Variants in POU3F1 observed in about 807,000 individuals in gnomAD.
The protein encoded by POU3F1 is POU domain, class 3, transcription factor 1.
In POU3F1, 1 loss-of-function variant was observed where a neutral mutation model predicts 7.6. The ratio of observed to expected loss-of-function variants is 0.13; its 90% CI spans 0.05 to 0.62. The LOEUF (loss-of-function observed/expected upper bound fraction) is 0.62. Ranked by LOEUF, POU3F1 falls within the 20% of genes least tolerant of loss-of-function variation. The pLI is 0.87. For missense variants in POU3F1, 505 were observed against 679.3 expected (o/e 0.74, Z 2.85); for synonymous variants, 354 against 339.0 (o/e 1.04, Z -0.49).
Position 38,046,428 on chromosome 1 carries a change from CGT to C in POU3F1, c.314_315del (p.Asp105GlyfsTer181). On this transcript the variant is annotated frameshift_variant, in exon 1 of 1. Transcript: ENST00000373012. LOFTEE classifies it low-confidence loss of function (END_TRUNC). The surrounding 1 kb of genome is among the most constrained non-coding windows in gnomAD (Gnocchi z 9.5). Reference protein sequence around the residue: ...AGGGGTGRADDGGGGGGFHAR... With the variant: ...AGGGGTGRADXGGGGGGFHAR... ...GCGTGGAAACCTCCGCCGCCGCCGC[CGT>C]CGTCGGCTCGGCCGGTGCCGCCGCC... The C allele has an allele frequency of 7.7e-7, 1 of 1,297,320 alleles. No homozygotes were observed. Among genetic ancestry groups the C allele is most frequent in the Non-Finnish European group, 9.8e-7 (1 of 1,024,218 alleles). 80.4% of individuals were successfully genotyped at this position (1,297,320 alleles called of 1,614,324 possible). A position where few individuals can be genotyped will look rare whatever the true frequency, so the allele number is the denominator to read the frequency against.
In POU3F1 at chr1:38,045,461, G is replaced by A. The variant is rs1324539337; in HGVS notation, c.1283C>T (p.Ser428Phe). 2.7e-6 allele frequency: 4 copies of A among 1,456,286 alleles called. No homozygotes were observed. The highest frequency in any genetic ancestry group is 1.8e-6 in the Non-Finnish European group (2 of 1,112,274). The allele number at this position is 1,456,286 out of a possible 1,614,324, so 90.2% of individuals were successfully genotyped here. A position where few individuals can be genotyped will look rare whatever the true frequency, so the allele number is the denominator to read the frequency against. ...GPGGGGASPPSAPPPPPPAAL... is the reference protein window; with the variant it reads ...GPGGGGASPPFAPPPPPPAAL... ...CGCCGGCGGGGGCGGTGGGGGCGCG[G>A]AGGGTGGCGATGCGCCGCCCCCGCC... The change falls in exon 1 of 1, where the codon TCC becomes TTC. Residue 428 changes from serine to phenylalanine, a missense_variant. By Grantham distance (155) the Ser-to-Phe change is radical. Around this residue, in one of 5 missense-constraint regions of POU3F1, gnomAD observed 72 missense variants for 93.7 expected, o/e 0.77. Transcript: ENST00000373012. This position sits in a 1 kb window ranked among gnomAD's most constrained non-coding sequence, Gnocchi z 9.4.
rs1292698490 is a variant in POU3F1, at chr1:38,044,978, C to G, written c.*410G>C. Reference sequence around the variant, plus strand: ...CCACGCGGGGAGAGGGGATGGAGAACTCTCCTCGCTTCGTCCTCTCTCCCG... The same window carrying G: ...CCACGCGGGGAGAGGGGATGGAGAAGTCTCCTCGCTTCGTCCTCTCTCCCG... On this transcript the variant is annotated 3_prime_UTR_variant, in exon 1 of 1. Coordinates refer to ENST00000373012, the MANE Select transcript of POU3F1 (RefSeq NM_002699.4). 6.6e-6 allele frequency: 1 copy of G among 152,272 alleles called. No homozygotes were observed. Among genetic ancestry groups the G allele is most frequent in the Non-Finnish European group, 1.5e-5 (1 of 68,060 alleles). 9.4% of individuals were successfully genotyped at this position (152,272 alleles called of 1,614,324 possible). A position where few individuals can be genotyped will look rare whatever the true frequency, so the allele number is the denominator to read the frequency against.
chr1:38,046,362 A>C lies in POU3F1; in HGVS notation c.382T>G (p.Trp128Gly), dbSNP rs1356274391. 1 of 1,212,198 alleles carries C rather than the reference A, an allele frequency of 8.2e-7. No individual in the cohort carries two copies. The highest frequency in any genetic ancestry group is 1.0e-6 in the Non-Finnish European group (1 of 980,664). 75.1% of individuals were successfully genotyped at this position (1,212,198 alleles called of 1,614,324 possible). The stretch of plus-strand genomic sequence containing the variant: ...TGGTGCGCTGTGCTGCCCTGCGCCC[A>C]TGCCGCGCCCGCGTGGGCCGCCCCC... ...HQGAAHAGAA[W>G]AQGSTAHHLG... is the part of the protein sequence containing the mutation. The change falls in exon 1 of 1, where the codon TGG (tryptophan) becomes GGG (glycine). Residue 128 changes from tryptophan to glycine, a missense_variant. Trp to Gly is a radical substitution (Grantham distance 184, BLOSUM62 -2). Coordinates refer to ENST00000373012, the MANE Select transcript of POU3F1 (RefSeq NM_002699.4). The surrounding 1 kb of genome is among the most constrained non-coding windows in gnomAD (Gnocchi z 9.5).
In POU3F1 at chr1:38,046,232, C is replaced by T; in HGVS notation, c.512G>A (p.Gly171Asp). Reference sequence around the variant, plus strand: ...GCCCGCCGCCAGCATCCCGGCCAGGCCGCCGCCGCCGCCCCCCGGGTAGGC... The same window carrying T: ...GCCCGCCGCCAGCATCCCGGCCAGGTCGCCGCCGCCGCCCCCCGGGTAGGC... ...QAAYPGGGGG[G>D]LAGMLAAGGG... Residue 171 changes from glycine (G) to aspartate (D), a missense_variant, in exon 1 of 1, where the codon GGC (glycine) becomes GAC (aspartate). Physicochemically the swap from Gly to Asp is moderately conservative, Grantham distance 94 (BLOSUM62 -1). Transcript: ENST00000373012. The surrounding 1 kb of genome is among the most constrained non-coding windows in gnomAD (Gnocchi z 9.5). The T allele has an allele frequency of 9.5e-7, 1 of 1,054,936 alleles. No individual in the cohort carries two copies. The highest frequency in any genetic ancestry group is 1.1e-6 in the Non-Finnish European group (1 of 879,832). The allele number at this position is 1,054,936 out of a possible 1,614,324, so 65.3% of individuals were successfully genotyped here.
rs1229493726 is a variant in POU3F1 at position 38,045,425 on chromosome 1, T to C, written c.1319A>G (p.His440Arg). The C allele has an allele frequency of 2.1e-6, 3 of 1,435,032 alleles. No homozygotes were observed. The highest frequency in any genetic ancestry group is 3.0e-5 in the African/African-American group (2 of 67,708). The allele number at this position is 1,435,032 out of a possible 1,614,324, so 88.9% of individuals were successfully genotyped here. A position where few individuals can be genotyped will look rare whatever the true frequency, so the allele number is the denominator to read the frequency against. The change falls in exon 1 of 1, where the codon CAC becomes CGC. Residue 440 changes from histidine (H) to arginine (R), a missense_variant. His to Arg is a conservative substitution (Grantham distance 29, BLOSUM62 0). Transcript: ENST00000373012. The surrounding 1 kb of genome is among the most constrained non-coding windows in gnomAD (Gnocchi z 9.4). ...PPPPPPAALH[H>R]HHHHTLPGSV... is the part of the protein sequence containing the mutation. ...GCCGGGCAGTGTGTGGTGGTGGTGG[T>C]GGTGCAGCGCCGCCGGCGGGGGCGG...
At position 38,046,400 on chromosome 1, in the gene POU3F1, C is replaced by G. The variant is rs1164726087; in HGVS notation, c.344G>C (p.Arg115Pro). Residue 115 changes from arginine to proline, a missense_variant, in exon 1 of 1, where the codon CGC becomes CCC. Physicochemically the swap from Arg to Pro is moderately radical, Grantham distance 103 (BLOSUM62 -2). This residue lies in a region of POU3F1 where 361 missense variants were observed against 382.1 expected (regional missense o/e 0.94). Coordinates refer to ENST00000373012, the MANE Select transcript of POU3F1 (RefSeq NM_002699.4). The surrounding 1 kb of genome is among the most constrained non-coding windows in gnomAD (Gnocchi z 9.5). The part of the protein sequence containing the change: ...DGGGGGGFHA[R>P]LVHQGAAHAG... ...GTGGGCCGCCCCCTGGTGCACCAGG[C>G]GCGCGTGGAAACCTCCGCCGCCGCC... 8.0e-7 allele frequency: 1 copy of G among 1,253,264 alleles called. No individual in the cohort carries two copies. 77.6% of individuals were successfully genotyped at this position (1,253,264 alleles called of 1,614,324 possible).
In POU3F1 at chr1:38,045,336, G is replaced by T; in HGVS notation, c.*52C>A. 1.3e-6 allele frequency: 1 copy of T among 767,532 alleles called. No individual in the cohort carries two copies. Among genetic ancestry groups the T allele is most frequent in the African/African-American group, 1.9e-5 (1 of 53,144 alleles). The allele number at this position is 767,532 out of a possible 1,614,324, so 47.5% of individuals were successfully genotyped here. A position where few individuals can be genotyped will look rare whatever the true frequency, so the allele number is the denominator to read the frequency against. ...CAAAAAGAGTCCAGGCCGCGCGGGC[G>T]GGCTGCGCGCCCGCGCCCTGCAGCG... On this transcript the variant is annotated 3_prime_UTR_variant, in exon 1 of 1. Coordinates refer to ENST00000373012, the MANE Select transcript of POU3F1 (RefSeq NM_002699.4). The surrounding 1 kb of genome is among the most constrained non-coding windows in gnomAD (Gnocchi z 9.4).
rs1646865828 is a variant in POU3F1, at chr1:38,046,756, C to T, written c.-13G>A. On this transcript the variant is annotated 5_prime_UTR_variant, in exon 1 of 1. Coordinates refer to ENST00000373012, the MANE Select transcript of POU3F1 (RefSeq NM_002699.4). This position sits in a 1 kb window ranked among gnomAD's most constrained non-coding sequence, Gnocchi z 9.5. ...CGGTGGTGGCCATGCCGCCCCGCGC[C>T]CTGCGCCGCGCCGCCGCCGCCGCTC... 5 of 990,230 alleles carry T rather than the reference C, an allele frequency of 5.0e-6. No individual in the cohort carries two copies. Among genetic ancestry groups the T allele is most frequent in the Non-Finnish European group, 4.8e-6 (4 of 835,002 alleles). The allele number at this position is 990,230 out of a possible 1,614,324, so 61.3% of individuals were successfully genotyped here.
Position 38,046,658 on chromosome 1 carries a change from G to A in POU3F1, c.86C>T (p.Ala29Val). Residue 29 changes from alanine (A) to valine (V), a missense_variant, in exon 1 of 1, where the codon GCG becomes GTG. Physicochemically the swap from Ala to Val is moderately conservative, Grantham distance 64 (BLOSUM62 0). Transcript: ENST00000373012. This position sits in a 1 kb window ranked among gnomAD's most constrained non-coding sequence, Gnocchi z 9.5. ...TGPLMHPDAAAAAAAAAAAER... is the reference protein window; with the variant it reads ...TGPLMHPDAAVAAAAAAAAER... Reference sequence around the variant, plus strand: ...CGCGGCCGCCGCCGCCGCCGCCGCCGCCGCGGCGTCCGGGTGCATAAGCGG... The same window carrying A: ...CGCGGCCGCCGCCGCCGCCGCCGCCACCGCGGCGTCCGGGTGCATAAGCGG... 2.3e-6 allele frequency: 3 copies of A among 1,294,516 alleles called. No homozygotes were observed. Among genetic ancestry groups the A allele is most frequent in the Non-Finnish European group, 2.9e-6 (3 of 1,019,714 alleles). The allele number at this position is 1,294,516 out of a possible 1,614,324, so 80.2% of individuals were successfully genotyped here. A position where few individuals can be genotyped will look rare whatever the true frequency, so the allele number is the denominator to read the frequency against.
rs1352040906 is a variant in POU3F1, at chr1:38,045,353, C to T, written c.*35G>A. On this transcript the variant is annotated 3_prime_UTR_variant, in exon 1 of 1. Transcript: ENST00000373012. This position sits in a 1 kb window ranked among gnomAD's most constrained non-coding sequence, Gnocchi z 9.4. The stretch of plus-strand genomic sequence containing the variant: ...GCGCGGGCGGGCTGCGCGCCCGCGC[C>T]CTGCAGCGCGCCGGCGGGGGCCCGG... 5.7e-6 allele frequency: 6 copies of T among 1,051,748 alleles called. No homozygotes were observed. Among genetic ancestry groups the T allele is most frequent in the Non-Finnish European group, 7.1e-6 (6 of 848,008 alleles). 65.2% of individuals were successfully genotyped at this position (1,051,748 alleles called of 1,614,324 possible).
chr1:38,045,512 A>G lies in POU3F1; in HGVS notation c.1232T>C (p.Val411Ala). ...AGAGHPPMDD[V>A]YAPGELGPGG... is the part of the protein sequence containing the mutation. ...AGGCCCTAGCTCCCCAGGCGCGTAT[A>G]CATCGTCCATGGGCGGGTGGCCCGC... The change falls in exon 1 of 1, where the codon GTA (valine) becomes GCA (alanine). Residue 411 changes from valine (V) to alanine (A), a missense_variant. Physicochemically the swap from Val to Ala is moderately conservative, Grantham distance 64. This residue lies in a region of POU3F1 where 72 missense variants were observed against 93.7 expected (regional missense o/e 0.77). Transcript: ENST00000373012. This position sits in a 1 kb window ranked among gnomAD's most constrained non-coding sequence, Gnocchi z 9.4. The G allele has an allele frequency of 6.3e-7, 1 of 1,583,298 alleles. No homozygotes were observed. The highest frequency in any genetic ancestry group is 8.6e-7 in the Non-Finnish European group (1 of 1,165,746).
In POU3F1 at chr1:38,045,318, A is replaced by T; in HGVS notation, c.*70T>A. 11 of 458,716 alleles carry T rather than the reference A, an allele frequency of 2.4e-5. No individual in the cohort carries two copies. Among genetic ancestry groups the T allele is most frequent in the Non-Finnish European group, 3.0e-5 (10 of 334,834 alleles). 28.4% of individuals were successfully genotyped at this position (458,716 alleles called of 1,614,324 possible). A position where few individuals can be genotyped will look rare whatever the true frequency, so the allele number is the denominator to read the frequency against. ...AAATCCAAAGCAACCGAACAAAAAG[A>T]GTCCAGGCCGCGCGGGCGGGCTGCG... On this transcript the variant is annotated 3_prime_UTR_variant, in exon 1 of 1. Transcript: ENST00000373012. The surrounding 1 kb of genome is among the most constrained non-coding windows in gnomAD (Gnocchi z 9.4).
chr1:38,045,516 C>T lies in POU3F1; in HGVS notation c.1228G>A (p.Asp410Asn). ...CCTAGCTCCCCAGGCGCGTATACAT[C>T]GTCCATGGGCGGGTGGCCCGCGCCG... ...AAGAGHPPMD[D>N]VYAPGELGPG... Residue 410 changes from aspartate to asparagine, a missense_variant, in exon 1 of 1, where the codon GAT becomes AAT. Asp to Asn is a conservative substitution (Grantham distance 23). This residue lies in a region of POU3F1 where 72 missense variants were observed against 93.7 expected (regional missense o/e 0.77). Coordinates refer to ENST00000373012, the MANE Select transcript of POU3F1 (RefSeq NM_002699.4). This position sits in a 1 kb window ranked among gnomAD's most constrained non-coding sequence, Gnocchi z 9.4. 1.3e-6 allele frequency: 2 copies of T among 1,586,012 alleles called. No individual in the cohort carries two copies. Among genetic ancestry groups the T allele is most frequent in the Non-Finnish European group, 1.7e-6 (2 of 1,166,900 alleles).
At position 38,045,498 on chromosome 1, in the gene POU3F1, C is replaced by A. The variant is rs1444971191; in HGVS notation, c.1246G>T (p.Glu416Ter). 1 of 1,559,928 alleles carries A rather than the reference C, an allele frequency of 6.4e-7. No homozygotes were observed. The highest frequency in any genetic ancestry group is 8.7e-7 in the Non-Finnish European group (1 of 1,154,752). Residue 416 changes from glutamate to a stop codon, truncating the protein, a stop_gained, in exon 1 of 1, where the codon GAG becomes TAG. Transcript: ENST00000373012. LOFTEE classifies it high-confidence loss of function. This position sits in a 1 kb window ranked among gnomAD's most constrained non-coding sequence, Gnocchi z 9.4. The part of the protein sequence containing the change: ...PPMDDVYAPG[E>*]LGPGGGGASP... ...GCGCCGCCCCCGCCAGGCCCTAGCTCCCCAGGCGCGTATACATCGTCCATG... is the reference window on the plus strand; with the variant it reads ...GCGCCGCCCCCGCCAGGCCCTAGCTACCCAGGCGCGTATACATCGTCCATG...
In POU3F1 at chr1:38,046,497, C is replaced by T. The variant is rs1570515686; in HGVS notation, c.247G>A (p.Asp83Asn). 7.3e-7 allele frequency: 1 copy of T among 1,377,938 alleles called. No individual in the cohort carries two copies. The highest frequency in any genetic ancestry group is 1.5e-5 in the African/African-American group (1 of 65,638). 85.4% of individuals were successfully genotyped at this position (1,377,938 alleles called of 1,614,324 possible). Residue 83 changes from aspartate (D) to asparagine (N), a missense_variant, in exon 1 of 1, where the codon GAT becomes AAT. Coordinates refer to ENST00000373012, the MANE Select transcript of POU3F1 (RefSeq NM_002699.4). This position sits in a 1 kb window ranked among gnomAD's most constrained non-coding sequence, Gnocchi z 9.5. Reference sequence around the variant, plus strand: ...TCTAGGTGCGGGCCGCCGGCCCAATCGCCGCCGCCGCCTCCTCCCGTGGGT... The same window carrying T: ...TCTAGGTGCGGGCCGCCGGCCCAATTGCCGCCGCCGCCTCCTCCCGTGGGT... ...WLPTGGGGGG[D>N]WAGGPHLEHG...
In POU3F1 at chr1:38,046,631, TCCGCGGCCG is replaced by T; in HGVS notation, c.104_112del (p.Ala35_Ala37del). On this transcript the variant is annotated inframe_deletion, in exon 1 of 1. Transcript: ENST00000373012. This position sits in a 1 kb window ranked among gnomAD's most constrained non-coding sequence, Gnocchi z 9.5. ...GTACGCGGCCCCTGCATGCAATCGC[TCCGCGGCCG>T]CCGCCGCCGCCGCCGCCGCCGCGGC... is the stretch of plus-strand genomic sequence containing the variant. The T allele has an allele frequency of 1.5e-6, 2 of 1,327,158 alleles. No individual in the cohort carries two copies. Among genetic ancestry groups the T allele is most frequent in the Non-Finnish European group, 1.9e-6 (2 of 1,035,110 alleles). 82.2% of individuals were successfully genotyped at this position (1,327,158 alleles called of 1,614,324 possible). A position where few individuals can be genotyped will look rare whatever the true frequency, so the allele number is the denominator to read the frequency against.
Position 38,043,906 on chromosome 1 carries a change from T to A in POU3F1, c.*1482A>T, listed in dbSNP as rs376798290. 3.0e-4 allele frequency among the ~76,000 whole-genome samples: 45 copies of A among 152,244 alleles called. No individual in the cohort carries two copies. Among genetic ancestry groups the A allele is most frequent in the East Asian group, 2.5e-3 (13 of 5,182 alleles). The stretch of plus-strand genomic sequence containing the variant: ...AGGGAACTTCCCAGTCTACATTATT[T>A]TTTTTTCAATAAAGATACAAAGAGA... On this transcript the variant is annotated 3_prime_UTR_variant, in exon 1 of 1. Transcript: ENST00000373012. This position sits in a 1 kb window ranked among gnomAD's most constrained non-coding sequence, Gnocchi z 4.5.
In POU3F1 at chr1:38,046,135, C is replaced by A; in HGVS notation, c.609G>T (p.Ser203=). 2 of 1,407,984 alleles carry A rather than the reference C, an allele frequency of 1.4e-6. No individual in the cohort carries two copies. The highest frequency in any genetic ancestry group is 1.8e-6 in the Non-Finnish European group (2 of 1,081,882). The allele number at this position is 1,407,984 out of a possible 1,614,324, so 87.2% of individuals were successfully genotyped here. The stretch of plus-strand genomic sequence containing the variant: ...CGTGGGCGCCCAGATGCGGCGGCGG[C>A]GACGGCTCCAGCTGCGCCTCGTGGC... ...EDGHEAQLEP[S]PPPHLGAHGH... Residue 203 remains serine (S), a synonymous_variant, in exon 1 of 1, where the codon TCG becomes TCT. Coordinates refer to ENST00000373012, the MANE Select transcript of POU3F1 (RefSeq NM_002699.4). The surrounding 1 kb of genome is among the most constrained non-coding windows in gnomAD (Gnocchi z 9.5).
At position 38,046,519 on chromosome 1, in the gene POU3F1, G is replaced by A. The variant is rs1646863043; in HGVS notation, c.225C>T (p.Pro75=). 1 of 1,385,650 alleles carries A rather than the reference G, an allele frequency of 7.2e-7. No homozygotes were observed. Among genetic ancestry groups the A allele is most frequent in the East Asian group, 3.1e-5 (1 of 31,846 alleles). The allele number at this position is 1,385,650 out of a possible 1,614,324, so 85.8% of individuals were successfully genotyped here. ...PVGLAHPQWL[P]TGGGGGGDWA... is the part of the protein sequence containing the mutation. ...AATCGCCGCCGCCGCCTCCTCCCGT[G>A]GGTAGCCACTGGGGGTGCGCTAGGC... is the stretch of plus-strand genomic sequence containing the variant. The change falls in exon 1 of 1, where the codon CCC becomes CCT. Residue 75 remains proline, a synonymous_variant. Transcript: ENST00000373012. This position sits in a 1 kb window ranked among gnomAD's most constrained non-coding sequence, Gnocchi z 9.5.
Sources: allele counts gnomAD v4.1 joint callset (sites outside exome capture counted in the v4.1 genomes callset), GRCh38; gene constraint gnomAD v4.1.1; regional missense constraint gnomAD v4.1.1; non-coding constraint Gnocchi (gnomAD v3.1); transcripts MANE v1.5; gene names NCBI Gene and HGNC (gene_info 2026-07-23, HGNC 2026-07-21).